Variants in TNIP3 observed in about 807,000 individuals in gnomAD.
TNIP3 encodes TNFAIP3 interacting protein 3, also known as TNFAIP3-interacting protein 3.
In TNIP3, 34 loss-of-function variants were observed where a neutral mutation model predicts 54.1. That is an observed-to-expected ratio of 0.63 (90% CI 0.48 to 0.84). The LOEUF (loss-of-function observed/expected upper bound fraction) is 0.84. Among genes scored for constraint, TNIP3 ranks in the 40% least tolerant of loss-of-function variants. TNIP3 has a pLI of 0.00. For missense variants in TNIP3, 366 were observed against 387.6 expected (o/e 0.94, Z 0.47); for synonymous variants, 134 against 136.8 (o/e 0.98, Z 0.14).
At chr4:121,190,428 T>C (rs1725246768) in intron 2 of TNIP3, among the ~76,000 whole-genome samples, 1 of 152,158 alleles carries the variant, frequency 6.6e-6, no homozygotes, top group African/African-American at 2.4e-5. Context: ...TAGATCTGAA[T>C]TGGAAGAGGA....
chr4:121,149,287 A>G (rs1729603402), intron 6 of TNIP3, among the ~76,000 whole-genome samples: 1 of 152,182 alleles, frequency 6.6e-6, no homozygotes, highest in Non-Finnish European at 1.5e-5. Flanking sequence ...GTGAATTGCT[A>G]AGTGGTGCCA....
intron 2 of TNIP3, among the ~76,000 whole-genome samples, chr4:121,187,627 A>C (rs1725089576): frequency 6.6e-6 from 1 of 152,238 alleles, no homozygotes; most frequent in East Asian, 1.9e-4. Flanking sequence ...CTAGTTCTAA[A>C]GAAAACAACT....
At chr4:121,148,934 T>C (rs1729581619) in intron 6 of TNIP3, among the ~76,000 whole-genome samples, 1 of 152,202 alleles carries the variant, frequency 6.6e-6, no homozygotes, top group Non-Finnish European at 1.5e-5. Flanking sequence ...TGTCTCCCAT[T>C]GCTAATATGT....
At chr4:121,134,613 T>C (rs1201089390) in intron 10 of TNIP3, among the ~76,000 whole-genome samples, 2 of 152,200 alleles carry the variant, frequency 1.3e-5, no homozygotes, top group Admixed American at 6.5e-5. Flanking sequence ...TCTTTAGTTT[T>C]TGAAAGAAGG....
At chr4:121,146,533 A>G (rs768625348) in intron 7 of TNIP3, among the ~76,000 whole-genome samples, 1 of 152,180 alleles carries the variant, frequency 6.6e-6, no homozygotes, top group Non-Finnish European at 1.5e-5. Context: ...TACATTTAAT[A>G]TATTCTATTT....
At chr4:121,193,686 A>G (rs1259379897) in intron 2 of TNIP3, among the ~76,000 whole-genome samples, 1 of 152,162 alleles carries the variant, frequency 6.6e-6, no homozygotes, top group African/African-American at 2.4e-5. Context: ...ACTAGGGGAA[A>G]TGTAAAAGAA....
chr4:121,175,602 G>C (rs575964806), intron 3 of TNIP3, among the ~76,000 whole-genome samples: 1 of 152,270 alleles, frequency 6.6e-6, no homozygotes, highest in Non-Finnish European at 1.5e-5. Flanking sequence ...CCAGTTTTCT[G>C]TAACTCTTTC....
chr4:121,136,254 G>A (rs1358128047), intron 10 of TNIP3, among the ~76,000 whole-genome samples: 2 of 152,078 alleles, frequency 1.3e-5, no homozygotes, highest in South Asian at 2.1e-4. Flanking sequence ...AGATTATTGA[G>A]GGTTAAATGC....
At chr4:121,165,659 TTGTGTGTG>T (rs67730856), upstream of TNIP3, among the ~76,000 whole-genome samples, 10 of 146,712 alleles carry the variant, frequency 6.8e-5, no homozygotes, top group Non-Finnish European at 1.1e-4. Context: ...TTTTGCTAGT[TTGTGTGTG>T]TGTGTGTGTG....
intron 1 of TNIP3, among the ~76,000 whole-genome samples, chr4:121,163,815 A>C (rs1730601684): frequency 6.6e-6 from 1 of 152,172 alleles, no homozygotes; most frequent in Admixed American, 6.5e-5. Flanking sequence ...AATCAAGAAC[A>C]AAATAAGGAA....
intron 3 of TNIP3, among the ~76,000 whole-genome samples, chr4:121,179,249 T>A (rs569340307): frequency 2.0e-5 from 3 of 152,346 alleles, no homozygotes; most frequent in African/African-American, 7.2e-5. Flanking sequence ...AGGAAAAATA[T>A]GTACGAACTT....
chr4:121,158,781 CA>C (rs760968184), intron 2 of TNIP3, 29 bp from the exon 3 acceptor site: 27 of 1,575,890 alleles, frequency 1.7e-5, no homozygotes, highest in Non-Finnish European at 2.3e-5. Flanking sequence ...GGTGAATCAA[CA>C]AAGAATTTCT....
intron 2 of TNIP3, among the ~76,000 whole-genome samples, chr4:121,159,426 C>G (rs1194584439): frequency 6.6e-6 from 1 of 152,134 alleles, no homozygotes; most frequent in Non-Finnish European, 1.5e-5. Context: ...TGATGATTGT[C>G]TGTAAGATTT....
At chr4:121,222,003 G>A (rs1304917982) in intron 1 of TNIP3, among the ~76,000 whole-genome samples, 1 of 152,118 alleles carries the variant, frequency 6.6e-6, no homozygotes, top group Non-Finnish European at 1.5e-5. Context: ...TGTCACCAGG[G>A]CTATCACTAC....
chr4:121,163,668 A>T (rs181660542), intron 1 of TNIP3, among the ~76,000 whole-genome samples: 8 of 152,348 alleles, frequency 5.3e-5, no homozygotes, highest in Admixed American at 3.3e-4. Flanking sequence ...AATTAGCAGT[A>T]GTCTCTGTTG....
intron 3 of TNIP3, among the ~76,000 whole-genome samples, chr4:121,177,773 G>A (rs1724447499): frequency 6.6e-6 from 1 of 151,516 alleles, no homozygotes; most frequent in South Asian, 2.1e-4. Context: ...GAAGGTCTTT[G>A]TTTTGTTTTA....
chr4:121,137,015 A>C (rs562809316), intron 10 of TNIP3, among the ~76,000 whole-genome samples: 1 of 152,284 alleles, frequency 6.6e-6, no homozygotes, highest in South Asian at 2.1e-4. Flanking sequence ...TCATACACTG[A>C]CTACAACATT....
intron 5 of TNIP3, among the ~76,000 whole-genome samples, chr4:121,151,507 G>A (rs1475210388): frequency 2.0e-5 from 3 of 152,096 alleles, no homozygotes; most frequent in African/African-American, 7.2e-5. Flanking sequence ...CCTTCAGGGA[G>A]AATTTAAAGA....
intron 7 of TNIP3, among the ~76,000 whole-genome samples, chr4:121,143,783 C>G (rs2148799298): frequency 6.6e-6 from 1 of 152,320 alleles, no homozygotes; most frequent in East Asian, 1.9e-4. Flanking sequence ...TTGATTAACT[C>G]TGAAGTCATG....
Sources: gnomAD v4.1 joint callset for allele counts (sites outside exome capture counted in the v4.1 genomes callset) on GRCh38, gnomAD v4.1.1 for gene constraint, MANE v1.5 for transcripts, NCBI Gene and HGNC (gene_info 2026-07-23, HGNC 2026-07-21) for gene names.